ARHGAP45: variants seen among roughly 807,000 people sequenced by gnomAD.
ARHGAP45 encodes the protein rho GTPase-activating protein 45.
In ARHGAP45, 56 loss-of-function variants were observed where a neutral mutation model predicts 116.1. The ratio of observed to expected loss-of-function variants is 0.48; its 90% CI spans 0.39 to 0.60. The LOEUF (loss-of-function observed/expected upper bound fraction) is 0.60, where lower values mean the gene tolerates loss of function less well. Ranked by LOEUF, ARHGAP45 falls within the 20% of genes least tolerant of loss-of-function variation. ARHGAP45 has a pLI of 0.00. For synonymous variants in ARHGAP45, 866 were observed against 701.7 expected (o/e 1.23, Z -3.70); for missense variants, 1,622 against 1,601.0 (o/e 1.01, Z -0.22).
chr19:1,085,539 CTGTCTCTCCATCTCTCT>C (rs1323695613), intron 22 of ARHGAP45, 104 bp from the exon 23 acceptor site: 8 of 711,808 alleles, frequency 1.1e-5, no homozygotes, highest in African/African-American at 2.0e-5. Flanking sequence ...CCCATCTCTC[CTGTCTCTCCATCTCTCT>C]CCCCCCTCTC....
At chr19:1,082,248 C>T (rs2145079953) in intron 19 of ARHGAP45, among the ~76,000 whole-genome samples, 2 of 79,878 alleles carry the variant, frequency 2.5e-5, no homozygotes, top group South Asian at 9.1e-4. Flanking sequence ...GGTGTGGCCA[C>T]GGCAGAGGCA....
At chr19:1,067,599 T>A in intron 1 of ARHGAP45, 104 bp downstream of exon 1, 1 of 1,099,396 alleles carries the variant, frequency 9.1e-7, no homozygotes, top group Non-Finnish European at 1.4e-6. Flanking sequence ...TGGGGGCTCG[T>A]GCCAGCTACA....
At chr19:1,075,134 G>C (rs1009938375) in intron 10 of ARHGAP45, among the ~76,000 whole-genome samples, 1 of 152,000 alleles carries the variant, frequency 6.6e-6, no homozygotes, top group African/African-American at 2.4e-5. Context: ...TGCAGAAATG[G>C]GGAGAAGCCG....
intron 11 of ARHGAP45, 41 bp from the exon 12 acceptor site, chr19:1,079,662 C>T (rs779610289): frequency 4.4e-6 from 7 of 1,606,856 alleles, no homozygotes; most frequent in East Asian, 2.2e-5. Flanking sequence ...TCCTGCACCC[C>T]GGGCTGAGGC....
Position 1,069,627 on chromosome 19 carries a change from G to A in ARHGAP45, c.421+883G>A, listed in dbSNP as rs887344300. Among the ~76,000 whole-genome samples, 1 of 152,180 alleles carries A rather than the reference G, an allele frequency of 6.6e-6. No homozygotes were observed. Among genetic ancestry groups the A allele is most frequent in the Non-Finnish European group, 1.5e-5 (1 of 68,024 alleles). ...CAGGGCACTAGTTGGGGAAGGCCCG[G>A]TCCCCACTGGGAGGAGTGGGAGCCC... On this transcript the variant is annotated intron_variant, in intron 2 of 22. Transcript: ENST00000313093. The surrounding 1 kb of genome is among the most constrained non-coding windows in gnomAD (Gnocchi z 4.1).
At position 1,068,302 on chromosome 19, in the gene ARHGAP45, G is replaced by C; in HGVS notation, c.91-112G>C. The C allele has an allele frequency of 1.1e-6, 1 of 948,522 alleles. No homozygotes were observed. The highest frequency in any genetic ancestry group is 1.5e-6 in the Non-Finnish European group (1 of 655,392). The allele number at this position is 948,522 out of a possible 1,614,324, so 58.8% of individuals were successfully genotyped here. ...CTGTGACCTCTGGCCTTTGACCCCT[G>C]TGGGGTCAGGGTGATGGTGGCCCTC... On this transcript the variant is annotated intron_variant, in intron 1 of 22. Transcript: ENST00000313093. The surrounding 1 kb of genome is among the most constrained non-coding windows in gnomAD (Gnocchi z 7.5).
chr19:1,067,595 C>A (rs1356439797), intron 1 of ARHGAP45, 100 bp downstream of exon 1: 4 of 1,140,080 alleles, frequency 3.5e-6, no homozygotes, highest in African/African-American at 3.1e-5. Flanking sequence ...CGGCTGGGGG[C>A]TCGTGCCAGC....
rs1472893296 is a variant in ARHGAP45 at position 1,074,418 on chromosome 19, C to T, written c.993+11C>T. 3 of 1,529,754 alleles carry T rather than the reference C, an allele frequency of 2.0e-6. No individual in the cohort carries two copies. Among genetic ancestry groups the T allele is most frequent in the East Asian group, 2.4e-5 (1 of 42,436 alleles). The allele number at this position is 1,529,754 out of a possible 1,614,324, so 94.8% of individuals were successfully genotyped here. A position where few individuals can be genotyped will look rare whatever the true frequency, so the allele number is the denominator to read the frequency against. On this transcript the variant is annotated intron_variant, in intron 8 of 22. Transcript: ENST00000313093. ...AGCGTCATGCAGGAGGTGGGGGCCC[C>T]GCGGGCACGGGGCGGGGGTCCCTGG...
intron 10 of ARHGAP45, chr19:1,077,374 CTTTTTTT>C (rs34571690): frequency 2.2e-6 from 2 of 920,738 alleles, no homozygotes; most frequent in Non-Finnish European, 2.5e-6. Context: ...TCCTCCCGTT[CTTTTTTT>C]TTTTTTTTTT....
Position 1,084,294 on chromosome 19 carries a change from G to A in ARHGAP45, c.3012G>A (p.Ala1004=), listed in dbSNP as rs781178469. The A allele has an allele frequency of 6.2e-6, 10 of 1,612,798 alleles. No individual in the cohort carries two copies. The highest frequency in any genetic ancestry group is 1.7e-4 in the Middle Eastern group (1 of 5,912). Reference sequence around the variant, plus strand: ...TCGTCCAGGTGCCGTACCTGGAGGCGGGCGAGGCGGTGGTCTACCCGCTGC... The same window carrying A: ...TCGTCCAGGTGCCGTACCTGGAGGCAGGCGAGGCGGTGGTCTACCCGCTGC... ...EVVVQVPYLE[A]GEAVVYPLQE... is the part of the protein sequence containing the mutation. Residue 1004 remains alanine, a synonymous_variant, in exon 22 of 23, where the codon GCG becomes GCA. Transcript: ENST00000313093.
chr19:1,074,886 C>CGGACGGGCGG lies in ARHGAP45; in HGVS notation c.1185+9_1185+10insACGGGCGGGG. The CGGACGGGCGG allele has an allele frequency of 9.6e-6, 1 of 104,022 alleles. No individual in the cohort carries two copies. The allele number at this position is 104,022 out of a possible 1,614,324, so 6.4% of individuals were successfully genotyped here. A position where few individuals can be genotyped will look rare whatever the true frequency, so the allele number is the denominator to read the frequency against. On this transcript the variant is annotated splice_region_variant and intron_variant, in intron 10 of 22. Transcript: ENST00000313093. ...CCGTGCCCAGAGGAAGCTGGTGAGG[C>CGGACGGGCGG]GGGCGGGCGGGGGCGGGCGGGGGCG...
chr19:1,081,174 T>A (rs1359284203), intron 17 of ARHGAP45, 110 bp downstream of exon 17: 1 of 1,257,168 alleles, frequency 8.0e-7, no homozygotes, highest in Non-Finnish European at 1.1e-6. Flanking sequence ...CAGGGAGCAG[T>A]CGGACGCCTT....
At chr19:1,070,324 CTTTTCTTTTTTTTTTT>C (rs1168268899) in intron 2 of ARHGAP45, among the ~76,000 whole-genome samples, 8 of 107,362 alleles carry the variant, frequency 7.5e-5, no homozygotes, top group African/African-American at 2.3e-4. Context: ...TTTTTCTTTT[CTTTTCTTTTTTTTTTT>C]TTTTTTTTGA....
upstream of ARHGAP45, chr19:1,066,031 TC>T (rs1388405982): frequency 1.5e-5 from 23 of 1,535,354 alleles, no homozygotes; most frequent in Non-Finnish European, 2.0e-5. Context: ...GCGCCATGAG[TC>T]GGGGGCAAAG....
In ARHGAP45 at chr19:1,074,447, C is replaced by T. The variant is rs761175961; in HGVS notation, c.993+40C>T. 6.1e-6 allele frequency: 9 copies of T among 1,472,948 alleles called. No homozygotes were observed. The South Asian group carries it at 6.8e-5, about 11-fold the overall frequency. The allele number at this position is 1,472,948 out of a possible 1,614,324, so 91.2% of individuals were successfully genotyped here. A position where few individuals can be genotyped will look rare whatever the true frequency, so the allele number is the denominator to read the frequency against. On this transcript the variant is annotated intron_variant, in intron 8 of 22. Transcript: ENST00000313093. ...GGCACGGGGCGGGGGTCCCTGGGCC[C>T]GGGTGTGAGTCTCAGCCCCATTTCA...
intron 10 of ARHGAP45, among the ~76,000 whole-genome samples, chr19:1,076,014 A>T (rs771987040): frequency 5.9e-5 from 9 of 152,124 alleles, no homozygotes; most frequent in Non-Finnish European, 1.2e-4. Context: ...AGTCAGCATG[A>T]AGCAGCCTGA....
chr19:1,070,827 A>G (rs1444543588), intron 2 of ARHGAP45, among the ~76,000 whole-genome samples: 2 of 152,098 alleles, frequency 1.3e-5, no homozygotes, highest in Admixed American at 1.3e-4. Context: ...AGGCCAGAGA[A>G]GACCCTGGCG....
chr19:1,083,053 C>A lies in ARHGAP45; in HGVS notation c.2731C>A (p.Arg911Ser). ...CCGGGCCTCGCTGCAGTACCTGCTG[C>A]GTCACCTACGCAGGTGAGTCCCGGC... ...ENRASLQYLL[R>S]HLRRIVEVEQ... is the part of the protein sequence containing the mutation. The change falls in exon 20 of 23, where the codon CGT becomes AGT. Residue 911 changes from arginine to serine, a missense_variant. Around this residue, in one of 3 missense-constraint regions of ARHGAP45, gnomAD observed 1,334 missense variants for 1,263.8 expected, o/e 1.06. Transcript: ENST00000313093. 6.5e-7 allele frequency: 1 copy of A among 1,547,460 alleles called. No homozygotes were observed. Among genetic ancestry groups the A allele is most frequent in the South Asian group, 1.2e-5 (1 of 85,204 alleles).
upstream of ARHGAP45, chr19:1,067,140 G>T: frequency 2.6e-6 from 3 of 1,157,568 alleles, no homozygotes; most frequent in South Asian, 3.8e-5. Flanking sequence ...GGCTGGGGGC[G>T]GGGCCTGCGA....
Sources: allele counts gnomAD v4.1 joint callset (sites outside exome capture counted in the v4.1 genomes callset), GRCh38; gene constraint gnomAD v4.1.1; regional missense constraint gnomAD v4.1.1; non-coding constraint Gnocchi (gnomAD v3.1); transcripts MANE v1.5; gene names NCBI Gene and HGNC (gene_info 2026-07-23, HGNC 2026-07-21).